LIPA: variants seen among roughly 807,000 people sequenced by gnomAD.
LIPA encodes the protein lipase A, lysosomal acid type, also known as lysosomal acid lipase/cholesteryl ester hydrolase.
LIPA carries 26 observed loss-of-function variants against 40.6 expected under a neutral mutation model. That is an observed-to-expected ratio of 0.64 (90% CI 0.47 to 0.89). The LOEUF (loss-of-function observed/expected upper bound fraction) is 0.89. Ranked by LOEUF, LIPA falls within the 40% of genes least tolerant of loss-of-function variation. LIPA has a pLI of 0.00. For synonymous variants in LIPA, 188 were observed against 168.4 expected (o/e 1.12, Z -0.90); for missense variants, 455 against 479.6 (o/e 0.95, Z 0.48).
chr10:89,363,565 G>C (rs305376), intron 2 of LIPA: 96,119 of 152,098 alleles, frequency 0.63, 32,978 homozygotes, highest in East Asian at 0.94. Context: ...ATCACAAGGT[G>C]AGGAGATGGA....
At chr10:89,332,537 C>A in intron 1 of LIPA, 2 of 1,612,848 alleles carry the variant, frequency 1.2e-6, no homozygotes, top group Middle Eastern at 1.7e-4. Context: ...GGGTGGAAAC[C>A]TCTTCAGCAT....
chr10:89,330,694 G>A (rs12098386), intron 1 of LIPA, among the ~76,000 whole-genome samples: 1 of 152,312 alleles, frequency 6.6e-6, no homozygotes, highest in South Asian at 2.1e-4. Context: ...AAATATCCCA[G>A]AACTAAGCAA....
chr10:89,373,334 C>CAAAA (rs34479360), intron 2 of LIPA, among the ~76,000 whole-genome samples: 6 of 63,132 alleles, frequency 9.5e-5, no homozygotes, highest in African/African-American at 1.8e-4. Flanking sequence ...GACTCCCTCT[C>CAAAA]AAAAAAAAAA....
At chr10:89,284,607 T>C (rs1441627512) in intron 1 of LIPA, 6 of 152,280 alleles carry the variant, frequency 3.9e-5, no homozygotes, top group East Asian at 1.9e-4. Context: ...TAAAGAAACT[T>C]TGGAAAAATG....
At position 89,260,998 on chromosome 10, in the gene LIPA, C is replaced by G. The variant is rs527624535; in HGVS notation, c.-1-13349G>C. Among the ~76,000 whole-genome samples, 11 of 152,260 alleles carry G rather than the reference C, an allele frequency of 7.2e-5. No individual in the cohort carries two copies. The South Asian group carries it at 1.2e-3, about 17-fold the overall frequency. The stretch of plus-strand genomic sequence containing the variant: ...TAGCTAGTAGTGACACATTCCAGCA[C>G]CAGAAGAATTTCTAGAAATTATTGT... On this transcript the variant is annotated intron_variant, in intron 1 of 5. Coordinates refer to the LIPA transcript ENST00000282673.
chr10:89,405,839 G>A (rs1844521170), intron 2 of LIPA: 1 of 152,142 alleles, frequency 6.6e-6, no homozygotes, highest in Non-Finnish European at 1.5e-5. Context: ...AGTCCCTTTT[G>A]CTATGTAAAG....
chr10:89,360,957 C>T (rs1174178409), intron 2 of LIPA, among the ~76,000 whole-genome samples: 1 of 152,176 alleles, frequency 6.6e-6, no homozygotes, highest in Non-Finnish European at 1.5e-5. Context: ...GCTCTCTCTT[C>T]ACATGGCATC....
intron 1 of LIPA, among the ~76,000 whole-genome samples, chr10:89,260,119 T>C (rs1196589908): frequency 2.6e-5 from 4 of 152,216 alleles, no homozygotes; most frequent in Non-Finnish European, 5.9e-5. Context: ...ATATGACAGA[T>C]ATAATCCTAA....
chr10:89,262,586 T>C (rs1036537380), intron 1 of LIPA, among the ~76,000 whole-genome samples: 5 of 152,174 alleles, frequency 3.3e-5, no homozygotes, highest in Non-Finnish European at 7.3e-5. Flanking sequence ...TCCCAGCCTT[T>C]TTACAACCTT....
upstream of LIPA, among the ~76,000 whole-genome samples, chr10:89,344,207 C>G (rs1670537974): frequency 6.6e-6 from 1 of 152,176 alleles, no homozygotes; most frequent in African/African-American, 2.4e-5. Context: ...ATCTGCAAAA[C>G]ATATTTTTTA....
intron 6 of LIPA, among the ~76,000 whole-genome samples, chr10:89,224,159 A>G (rs1284814250): frequency 6.6e-6 from 1 of 152,216 alleles, no homozygotes; most frequent in Non-Finnish European, 1.5e-5. Context: ...TCTGACTCTG[A>G]TGGATCGGTG....
chr10:89,400,120 A>G (rs1844401607), intron 2 of LIPA, among the ~76,000 whole-genome samples: 1 of 152,124 alleles, frequency 6.6e-6, no homozygotes, highest in African/African-American at 2.4e-5. Flanking sequence ...TTTCTATTCT[A>G]TTTCACTGGT....
chr10:89,272,749 C>G (rs1391021893), intron 1 of LIPA, among the ~76,000 whole-genome samples: 2 of 152,202 alleles, frequency 1.3e-5, no homozygotes, highest in Non-Finnish European at 2.9e-5. Flanking sequence ...TACAACCTCG[C>G]CAGCATCTAT....
chr10:89,327,656 T>G (rs141410338), intron 1 of LIPA, among the ~76,000 whole-genome samples: 1 of 152,350 alleles, frequency 6.6e-6, no homozygotes, highest in Non-Finnish European at 1.5e-5. Flanking sequence ...ACATCAGTTT[T>G]CAGGTTAACT....
At chr10:89,325,115 C>T (rs1389837502) in intron 1 of LIPA, among the ~76,000 whole-genome samples, 2 of 151,968 alleles carry the variant, frequency 1.3e-5, no homozygotes, top group African/African-American at 4.8e-5. Flanking sequence ...TGAAAAAATA[C>T]TCAATATCAT....
intron 3 of LIPA, among the ~76,000 whole-genome samples, chr10:89,240,157 TCTTA>T (rs1366033763): frequency 6.6e-6 from 1 of 152,232 alleles, no homozygotes; most frequent in African/African-American, 2.4e-5. Flanking sequence ...CTATGACATT[TCTTA>T]CTTTTCTTAC....
At chr10:89,316,900 C>CT (rs1843544279) in intron 1 of LIPA, among the ~76,000 whole-genome samples, 1 of 152,212 alleles carries the variant, frequency 6.6e-6, no homozygotes, top group Non-Finnish European at 1.5e-5. Context: ...GATCAGGCAG[C>CT]AACATTTGCC....
chr10:89,249,241 C>A (rs1002485275), intron 1 of LIPA, among the ~76,000 whole-genome samples: 1 of 152,190 alleles, frequency 6.6e-6, no homozygotes, highest in Non-Finnish European at 1.5e-5. Flanking sequence ...ACCATCAAAT[C>A]AACAAAGACC....
intron 1 of LIPA, among the ~76,000 whole-genome samples, chr10:89,267,729 T>C (rs974086695): frequency 8.2e-6 from 1 of 121,694 alleles, no homozygotes; most frequent in Non-Finnish European, 1.8e-5. Context: ...TAAAGTATAA[T>C]AAAAAAAAAA....
Sources: allele counts gnomAD v4.1 joint callset (sites outside exome capture counted in the v4.1 genomes callset), GRCh38; gene constraint gnomAD v4.1.1; transcripts MANE v1.5; gene names NCBI Gene and HGNC (gene_info 2026-07-23, HGNC 2026-07-21).